The following CNNM2 variants were observed in gnomAD, a reference collection of about 807,000 sequenced individuals.
The protein encoded by CNNM2 is cyclin and CBS domain divalent metal cation transport mediator 2.
Under a neutral mutation model 66.9 loss-of-function variants are expected in CNNM2, and 12 were observed. The ratio of observed to expected loss-of-function variants is 0.18; its 90% CI spans 0.11 to 0.29. CNNM2 has a LOEUF of 0.29. CNNM2 is among the 10% of genes least tolerant of loss of function. The pLI is 1.00. For missense variants in CNNM2, 705 were observed against 1,167.7 expected, an observed-to-expected ratio of 0.60 and a Z score of 5.77; for synonymous variants, 557 against 501.8, an observed-to-expected ratio of 1.11 and a Z score of -1.47.
At chr10:103,033,618 T>C in intron 1 of CNNM2, among the ~76,000 whole-genome samples, 1 of 152,284 alleles carries the variant, frequency 6.6e-6, no homozygotes, top group African/African-American at 2.4e-5. Flanking sequence ...GAGGATGAGT[T>C]AGGAAAGCCA....
At chr10:103,047,823 TTTG>T (rs1381068318) in intron 1 of CNNM2, among the ~76,000 whole-genome samples, 1 of 152,204 alleles carries the variant, frequency 6.6e-6, no homozygotes. Context: ...TTAACAATCG[TTTG>T]TTAATATCAC....
rs1845553794 is a variant in CNNM2 at position 102,919,758 on chromosome 10, C to T, written c.1278C>T (p.Asp426=). The T allele has an allele frequency of 2.5e-6, 4 of 1,614,116 alleles. No homozygotes were observed. The highest frequency in any genetic ancestry group is 1.7e-5 in the Admixed American group (1 of 60,010). ...TCCGGGTCACCGATCCCTACAACGA[C>T]CTCGTTAAGGAGGAGCTGAACATCA... ...EMLRVTDPYN[D]LVKEELNIIQ... Residue 426 remains aspartate, a synonymous_variant, in exon 1 of 8, where the codon GAC becomes GAT. Transcript: ENST00000369878.
intron 1 of CNNM2, among the ~76,000 whole-genome samples, chr10:102,981,335 G>A (rs1590344329): frequency 6.6e-6 from 1 of 151,822 alleles, no homozygotes; most frequent in African/African-American, 2.4e-5. Context: ...GGGTGACAGA[G>A]CGAGACCAGT....
Position 103,054,323 on chromosome 10 carries a change from C to T in CNNM2, c.1766-6C>T, listed in dbSNP as rs781306370. 5.0e-6 allele frequency: 8 copies of T among 1,613,422 alleles called. No individual in the cohort carries two copies. In the East Asian group the frequency reaches 1.6e-4, roughly 31 times the overall value. Reference sequence around the variant, plus strand: ...TTTTTTTTCTCTCTTTTAATTCCTCCCTTAGCTGACAACAGAACGAAAAAG... The same window carrying T: ...TTTTTTTTCTCTCTTTTAATTCCTCTCTTAGCTGACAACAGAACGAAAAAG... On this transcript the variant is annotated splice_polypyrimidine_tract_variant and splice_region_variant and intron_variant, in intron 2 of 7. Transcript: ENST00000369878. The surrounding 1 kb of genome is among the most constrained non-coding windows in gnomAD (Gnocchi z 5.2).
rs1056373875 is a variant in CNNM2 at position 102,921,156 on chromosome 10, G to A, written c.1621+1055G>A. 16 of 534,806 alleles carry A rather than the reference G, an allele frequency of 3.0e-5. No individual in the cohort carries two copies. The highest frequency in any genetic ancestry group is 1.3e-4 in the Admixed American group (2 of 15,720). The allele number at this position is 534,806 out of a possible 1,614,324, so 33.1% of individuals were successfully genotyped here. On this transcript the variant is annotated intron_variant, in intron 1 of 7. Transcript: ENST00000369878. ...TACTATTATTATTGAAGTTCTGAAT[G>A]TTTCCAGTAAATAGTGTTATTTGAA...
At chr10:102,952,454 C>T (rs1159511811) in intron 1 of CNNM2, among the ~76,000 whole-genome samples, 6 of 151,896 alleles carry the variant, frequency 4.0e-5, no homozygotes, top group African/African-American at 7.3e-5. Context: ...GTCCCAGCTA[C>T]TCGGGAAGCT....
chr10:103,089,683 C>T lies in CNNM2; in HGVS notation c.*12503C>T. ...TTTGGTTTTCCTCCTTATTCTTCCT[C>T]CTCCTCCTCCTCTTCATCATCATCT... On this transcript the variant is annotated 3_prime_UTR_variant, in exon 8 of 8. Transcript: ENST00000369878. 1 of 1,602,638 alleles carries T rather than the reference C, an allele frequency of 6.2e-7. No homozygotes were observed. Among genetic ancestry groups the T allele is most frequent in the South Asian group, 1.1e-5 (1 of 89,018 alleles).
chr10:103,018,331 C>T (rs906762886), intron 1 of CNNM2, among the ~76,000 whole-genome samples: 3 of 152,048 alleles, frequency 2.0e-5, no homozygotes, highest in African/African-American at 7.2e-5. Context: ...TGCATCCTTC[C>T]CCTCCTTAAA....
intron 1 of CNNM2, among the ~76,000 whole-genome samples, chr10:102,975,372 C>T (rs574984736): frequency 2.7e-5 from 4 of 150,088 alleles, no homozygotes; most frequent in African/African-American, 7.4e-5. Context: ...AGATGTACTT[C>T]AGCCTTAGCA....
intron 1 of CNNM2, among the ~76,000 whole-genome samples, chr10:103,007,883 A>G (rs2064258908): frequency 1.3e-5 from 2 of 152,206 alleles, no homozygotes; most frequent in African/African-American, 2.4e-5. Context: ...GGCGTTAAGA[A>G]ATTATAAAAG....
In CNNM2 at chr10:103,054,503, A is replaced by C. The variant is rs757541219; in HGVS notation, c.1903+37A>C. On this transcript the variant is annotated intron_variant, in intron 3 of 7. Coordinates refer to ENST00000369878, the MANE Select transcript of CNNM2 (RefSeq NM_017649.5). The surrounding 1 kb of genome is among the most constrained non-coding windows in gnomAD (Gnocchi z 5.2). Reference sequence around the variant, plus strand: ...TTATCACAGTTTGAGATCTCTACCAACCCTGAAGCGTGTTTCTCACCCACC... The same window carrying C: ...TTATCACAGTTTGAGATCTCTACCACCCCTGAAGCGTGTTTCTCACCCACC... 6.3e-7 allele frequency: 1 copy of C among 1,598,702 alleles called. No homozygotes were observed. The highest frequency in any genetic ancestry group is 1.7e-5 in the Admixed American group (1 of 58,596).
In CNNM2 at chr10:103,079,639, CTT is replaced by C. The variant is rs2065737631; in HGVS notation, c.*2460_*2461del. On this transcript the variant is annotated 3_prime_UTR_variant, in exon 8 of 8. Coordinates refer to ENST00000369878, the MANE Select transcript of CNNM2 (RefSeq NM_017649.5). Reference sequence around the variant, plus strand: ...GTGATGGCTTCTTGCAAATTATTCTCTTATAAAAGAGCTCGGCAGGAGTGGCA... The same window carrying C: ...GTGATGGCTTCTTGCAAATTATTCTCATAAAAGAGCTCGGCAGGAGTGGCA... The C allele has an allele frequency of 6.6e-6, 1 of 152,156 alleles. No individual in the cohort carries two copies. The highest frequency in any genetic ancestry group is 2.4e-5 in the African/African-American group (1 of 41,416). 9.4% of individuals were successfully genotyped at this position (152,156 alleles called of 1,614,324 possible). A position where few individuals can be genotyped will look rare whatever the true frequency, so the allele number is the denominator to read the frequency against.
At chr10:103,064,535 T>TG (rs2065442740) in intron 4 of CNNM2, among the ~76,000 whole-genome samples, 1 of 152,334 alleles carries the variant, frequency 6.6e-6, no homozygotes, top group South Asian at 2.1e-4. Flanking sequence ...GCAATAGTTG[T>TG]GTTTTTTAAA....
rs573028443 is a variant in CNNM2, at chr10:103,077,120, A to G, written c.2568A>G (p.Glu856=). The G allele has an allele frequency of 6.2e-7, 1 of 1,613,978 alleles. No individual in the cohort carries two copies. Among genetic ancestry groups the G allele is most frequent in the African/African-American group, 1.3e-5 (1 of 75,054 alleles). ...LPDETANLLN[E]QNCVTHSKAN... ...ACGAGACAGCCAACCTGCTCAACGA[A>G]CAGAACTGTGTGACGCACAGTAAGG... Residue 856 remains glutamate (E), a synonymous_variant, in exon 8 of 8, where the codon GAA becomes GAG. Transcript: ENST00000369878.
chr10:103,049,489 T>C (rs745542817), intron 1 of CNNM2, among the ~76,000 whole-genome samples: 2 of 152,176 alleles, frequency 1.3e-5, no homozygotes, highest in Non-Finnish European at 2.9e-5. Flanking sequence ...GTGCAATGTA[T>C]GTGGAGGGTG....
Position 103,074,165 on chromosome 10 carries a change from A to G in CNNM2, c.2234-1921A>G, listed in dbSNP as rs61120766. 0.1 allele frequency among the ~76,000 whole-genome samples: 15,894 copies of G among 151,832 alleles called. 846 individuals carry two copies. The highest frequency in any genetic ancestry group is 0.18 in the Middle Eastern group (52 of 292). On this transcript the variant is annotated intron_variant, in intron 6 of 7. Coordinates refer to ENST00000369878, the MANE Select transcript of CNNM2 (RefSeq NM_017649.5). ...TAGCTGGGCGTGGTGGTGCATGCCT[A>G]TAATCCCAGCTACTCAGGAGGCTGA...
intron 1 of CNNM2, among the ~76,000 whole-genome samples, chr10:103,036,128 GAC>G (rs140473396): frequency 8.0e-5 from 12 of 149,888 alleles, no homozygotes; most frequent in East Asian, 2.0e-4. Flanking sequence ...AAACCAATAG[GAC>G]ACACACACAC....
At position 102,918,298 on chromosome 10, in the gene CNNM2, C is replaced by T. The variant is rs1437995114; in HGVS notation, c.-183C>T. 9.3e-7 allele frequency: 1 copy of T among 1,073,600 alleles called. No individual in the cohort carries two copies. 66.5% of individuals were successfully genotyped at this position (1,073,600 alleles called of 1,614,324 possible). ...GGGAGCAGCCGGCGCTCCTCTCCCT[C>T]CCTCTTTCCCTCCCGCGAGCCTCGG... On this transcript the variant is annotated 5_prime_UTR_variant, in exon 1 of 8. Coordinates refer to ENST00000369878, the MANE Select transcript of CNNM2 (RefSeq NM_017649.5). This position sits in a 1 kb window ranked among gnomAD's most constrained non-coding sequence, Gnocchi z 4.1.
At chr10:102,983,449 C>T (rs2063749259) in intron 1 of CNNM2, among the ~76,000 whole-genome samples, 1 of 149,872 alleles carries the variant, frequency 6.7e-6, no homozygotes, top group African/African-American at 2.4e-5. Flanking sequence ...ATCACAAGGT[C>T]AGGAGATTGA....
Sources: allele counts gnomAD v4.1 joint callset (sites outside exome capture counted in the v4.1 genomes callset), GRCh38; gene constraint gnomAD v4.1.1; non-coding constraint Gnocchi (gnomAD v3.1); transcripts MANE v1.5; gene names NCBI Gene and HGNC (gene_info 2026-07-23, HGNC 2026-07-21).